Variants in CACNA1E observed in about 807,000 individuals in gnomAD.
CACNA1E encodes voltage-dependent R-type calcium channel subunit alpha-1E.
Under a neutral mutation model 259.2 loss-of-function variants are expected in CACNA1E, and 40 were observed. The observed-to-expected ratio is 0.15, with a 90% CI of 0.12 to 0.20. CACNA1E has a LOEUF of 0.20. Ranked by LOEUF, CACNA1E falls within the 10% of genes least tolerant of loss-of-function variation. CACNA1E has a pLI of 1.00. For synonymous variants in CACNA1E, 1,104 were observed against 1,138.5 expected (o/e 0.97, Z 0.61); for missense variants, 1,874 against 3,040.1 (o/e 0.62, Z 9.02).
chr1:181,472,445 A>G (rs1033358251), intron 2 of CACNA1E, among the ~76,000 whole-genome samples: 1 of 152,278 alleles, frequency 6.6e-6, no homozygotes, highest in African/African-American at 2.4e-5. Flanking sequence ...TGTAGTAACC[A>G]TCTTACTATC....
intron 27 of CACNA1E, among the ~76,000 whole-genome samples, chr1:181,752,595 T>C (rs1657691009): frequency 1.3e-5 from 2 of 152,290 alleles, no homozygotes; most frequent in Admixed American, 1.3e-4. Flanking sequence ...GATCCCTCTG[T>C]GTGTTCTGGT....
At chr1:181,750,518 C>T (rs957187144) in intron 26 of CACNA1E, 31 bp downstream of exon 26, 40 of 1,606,164 alleles carry the variant, frequency 2.5e-5, no homozygotes, top group South Asian at 9.9e-5. Context: ...TTGAAGTAAA[C>T]GATACAAGGA....
chr1:181,380,465 A>G (rs1409203772), intron 1 of CACNA1E, among the ~76,000 whole-genome samples: 1 of 152,204 alleles, frequency 6.6e-6, no homozygotes, highest in African/African-American at 2.4e-5. Flanking sequence ...GCAAAACCAG[A>G]CAAAAGATAT....
intron 6 of CACNA1E, among the ~76,000 whole-genome samples, chr1:181,586,416 G>A (rs1215617104): frequency 6.6e-6 from 1 of 152,168 alleles, no homozygotes; most frequent in Non-Finnish European, 1.5e-5. Flanking sequence ...CACCAAGGAA[G>A]TGAATATAGA....
chr1:181,699,911 C>T (rs1572637739), intron 7 of CACNA1E, among the ~76,000 whole-genome samples: 1 of 152,034 alleles, frequency 6.6e-6, no homozygotes. Context: ...ATGTTACATC[C>T]GAGATGCCTA....
At chr1:181,587,670 T>C (rs1016833918) in intron 6 of CACNA1E, among the ~76,000 whole-genome samples, 2 of 151,864 alleles carry the variant, frequency 1.3e-5, no homozygotes, top group African/African-American at 2.4e-5. Context: ...GATCACTAGG[T>C]CAGGAGATCG....
intron 2 of CACNA1E, among the ~76,000 whole-genome samples, chr1:181,415,280 C>T (rs1307508550): frequency 6.6e-6 from 1 of 152,166 alleles, no homozygotes; most frequent in African/African-American, 2.4e-5. Context: ...GTGGAAATAA[C>T]TTTTATGTCT....
At chr1:181,524,057 T>G (rs1409084979) in intron 3 of CACNA1E, among the ~76,000 whole-genome samples, 1 of 152,212 alleles carries the variant, frequency 6.6e-6, no homozygotes, top group Non-Finnish European at 1.5e-5. Flanking sequence ...ACCCCAAGTC[T>G]CTTTGCCAGT....
intron 6 of CACNA1E, among the ~76,000 whole-genome samples, chr1:181,581,014 T>A (rs1461879872): frequency 6.6e-6 from 1 of 152,172 alleles, no homozygotes; most frequent in Admixed American, 6.5e-5. Context: ...ACATCCTATG[T>A]TGGATAGGTG....
intron 1 of CACNA1E, among the ~76,000 whole-genome samples, chr1:181,409,250 G>T (rs939810577): frequency 1.3e-5 from 2 of 152,206 alleles, no homozygotes; most frequent in African/African-American, 2.4e-5. Flanking sequence ...TATATGGCAT[G>T]CAAAGCTTGA....
intron 3 of CACNA1E, among the ~76,000 whole-genome samples, chr1:181,571,470 GA>G (rs1441157054): frequency 2.6e-5 from 4 of 152,216 alleles, no homozygotes; most frequent in Non-Finnish European, 4.4e-5. Flanking sequence ...AGATTTAAAG[GA>G]AGGGACATGA....
intron 2 of CACNA1E, among the ~76,000 whole-genome samples, chr1:181,475,733 C>T (rs1309315109): frequency 6.6e-6 from 1 of 152,168 alleles, no homozygotes; most frequent in Non-Finnish European, 1.5e-5. Context: ...TGCATAGCAA[C>T]TGGCATTTTG....
intron 7 of CACNA1E, chr1:181,651,643 T>G (rs112059965): frequency 2.0e-6 from 1 of 502,256 alleles, no homozygotes; most frequent in African/African-American, 2.0e-5. Context: ...TTCTCAGGAA[T>G]TAAAAAGTCT....
chr1:181,498,221 G>T (rs565801508), intron 1 of CACNA1E, among the ~76,000 whole-genome samples: 2 of 152,230 alleles, frequency 1.3e-5, no homozygotes, highest in Admixed American at 1.3e-4. Context: ...GGAAATGAGG[G>T]TTGGGTTATA....
chr1:181,550,077 G>A (rs1312941704), intron 3 of CACNA1E, among the ~76,000 whole-genome samples: 2 of 152,264 alleles, frequency 1.3e-5, no homozygotes, highest in Non-Finnish European at 2.9e-5. Context: ...GCTGAGCTAG[G>A]ATGACTAGTT....
chr1:181,400,559 C>G (rs931349927), intron 1 of CACNA1E, among the ~76,000 whole-genome samples: 2 of 152,144 alleles, frequency 1.3e-5, no homozygotes, highest in African/African-American at 2.4e-5. Context: ...ATACATGAAC[C>G]CTGTCTCCTC....
chr1:181,369,065 T>G (rs1288787098), intron 1 of CACNA1E, among the ~76,000 whole-genome samples: 1 of 152,228 alleles, frequency 6.6e-6, no homozygotes, highest in Non-Finnish European at 1.5e-5. Flanking sequence ...AAGCGCATGC[T>G]GTGGAAGAGA....
chr1:181,554,117 C>A (rs1433057724), intron 3 of CACNA1E, among the ~76,000 whole-genome samples: 1 of 152,104 alleles, frequency 6.6e-6, no homozygotes, highest in Non-Finnish European at 1.5e-5. Context: ...CTCCAGGGAT[C>A]CACCCCAGCC....
Position 181,463,211 on chromosome 1 carries a change from G to T in CACNA1E, c.435-20533G>T, listed in dbSNP as rs539770069. Among the ~76,000 whole-genome samples, 8 of 152,188 alleles carry T rather than the reference G, an allele frequency of 5.3e-5. No homozygotes were observed. The East Asian group carries it at 1.5e-3, about 29-fold the overall frequency. On this transcript the variant is annotated intron_variant, in intron 2 of 11. Coordinates refer to the CACNA1E transcript ENST00000524607. ...TTATAAATTAGACACAGGAAGAGAT[G>T]AATAATAACTATTAATAAAATAGAA...
Sources: allele counts gnomAD v4.1 joint callset (sites outside exome capture counted in the v4.1 genomes callset), GRCh38; gene constraint gnomAD v4.1.1; transcripts MANE v1.5; gene names NCBI Gene and HGNC (gene_info 2026-07-23, HGNC 2026-07-21).